The following PPM1H variants were observed in gnomAD, a reference collection of about 807,000 sequenced individuals.
PPM1H encodes protein phosphatase 1H.
In PPM1H, 27 loss-of-function variants were observed where a neutral mutation model predicts 54.9. The observed-to-expected ratio is 0.49, with a 90% CI of 0.36 to 0.68. The LOEUF (loss-of-function observed/expected upper bound fraction) is 0.68, where lower values mean the gene tolerates loss of function less well. Ranked by LOEUF, PPM1H falls within the 30% of genes least tolerant of loss-of-function variation. The pLI is 0.00. For synonymous variants in PPM1H, 305 were observed against 270.8 expected (o/e 1.13, Z -1.24); for missense variants, 596 against 667.8 (o/e 0.89, Z 1.19).
chr12:62,662,432 G>C lies in PPM1H; in HGVS notation c.1397+4746C>G, dbSNP rs149512551. Among the ~76,000 whole-genome samples, 3 of 152,174 alleles carry C rather than the reference G, an allele frequency of 2.0e-5. No individual in the cohort carries two copies. In the East Asian group the frequency reaches 5.8e-4, roughly 29 times the overall value. On this transcript the variant is annotated intron_variant, in intron 9 of 9. Transcript: ENST00000228705. The stretch of plus-strand genomic sequence containing the variant: ...TGAGCTGAATTATATCAGACAATTC[G>C]AGGAGGAGACAGATGGTCTACCTTC...
rs139803362 is a variant in PPM1H at position 62,714,297 on chromosome 12, T to C, written c.1073+5874A>G. ...CTACTGTGCTCGAGAGCACAGAGAA[T>C]GGAAATTTCTCTTTGCCTCAATAAA... On this transcript the variant is annotated intron_variant, in intron 6 of 9. Transcript: ENST00000228705. 5.5e-3 allele frequency among the ~76,000 whole-genome samples: 844 copies of C among 152,242 alleles called. 6 individuals are homozygous for C. Among genetic ancestry groups the C allele is most frequent in the Middle Eastern group, 0.01 (3 of 294 alleles).
At chr12:62,673,980 G>A (rs1034720616) in intron 8 of PPM1H, among the ~76,000 whole-genome samples, 29 of 152,022 alleles carry the variant, frequency 1.9e-4, no homozygotes, top group Non-Finnish European at 4.3e-4. Flanking sequence ...GCCGTCCAAA[G>A]TGCTGGAATT....
At chr12:62,705,944 C>T (rs867344461) in intron 6 of PPM1H, among the ~76,000 whole-genome samples, 9 of 152,216 alleles carry the variant, frequency 5.9e-5, no homozygotes, top group Middle Eastern at 3.2e-3. Context: ...TTCTGCTGCA[C>T]AGGCAGTTCC....
intron 2 of PPM1H, among the ~76,000 whole-genome samples, chr12:62,826,472 T>C (rs888607089): frequency 6.6e-6 from 1 of 152,152 alleles, no homozygotes; most frequent in African/African-American, 2.4e-5. Flanking sequence ...ATCTCGTTGC[T>C]ACCCGGCTAC....
At chr12:62,894,402 G>T (rs190155499) in intron 1 of PPM1H, among the ~76,000 whole-genome samples, 1 of 152,144 alleles carries the variant, frequency 6.6e-6, no homozygotes, top group Non-Finnish European at 1.5e-5. Flanking sequence ...TGCTCCTCGT[G>T]TTAACAAGGA....
chr12:62,769,065 C>T (rs575544926), intron 4 of PPM1H, among the ~76,000 whole-genome samples: 1 of 152,248 alleles, frequency 6.6e-6, no homozygotes, highest in East Asian at 1.9e-4. Flanking sequence ...AGTACATTCC[C>T]AATGTGCTAA....
intron 5 of PPM1H, among the ~76,000 whole-genome samples, chr12:62,734,469 G>A (rs2076340012): frequency 6.6e-6 from 1 of 152,136 alleles, no homozygotes; most frequent in African/African-American, 2.4e-5. Flanking sequence ...TGAAGAAATT[G>A]GGAGTCACTG....
At chr12:62,703,557 C>T (rs1473274368) in intron 6 of PPM1H, among the ~76,000 whole-genome samples, 1 of 151,992 alleles carries the variant, frequency 6.6e-6, no homozygotes, top group East Asian at 1.9e-4. Flanking sequence ...TTCGGTCCCC[C>T]TTCTTGCCTT....
intron 2 of PPM1H, among the ~76,000 whole-genome samples, chr12:62,823,878 T>G (rs1481789936): frequency 6.6e-6 from 1 of 152,120 alleles, no homozygotes; most frequent in East Asian, 1.9e-4. Context: ...TATTTCAACA[T>G]AGTGTTGGTA....
intron 6 of PPM1H, among the ~76,000 whole-genome samples, chr12:62,714,418 G>A (rs2076224902): frequency 6.6e-6 from 1 of 152,114 alleles, no homozygotes; most frequent in Non-Finnish European, 1.5e-5. Flanking sequence ...AACAGAGGAG[G>A]GAAAATTATC....
intron 3 of PPM1H, among the ~76,000 whole-genome samples, chr12:62,798,275 G>A (rs927678299): frequency 6.6e-6 from 1 of 152,208 alleles, no homozygotes; most frequent in African/African-American, 2.4e-5. Context: ...GGAGCAGGTA[G>A]GGGATAGTCT....
intron 1 of PPM1H, among the ~76,000 whole-genome samples, chr12:62,848,217 A>T (rs1869046387): frequency 6.6e-6 from 1 of 152,240 alleles, no homozygotes; most frequent in African/African-American, 2.4e-5. Context: ...AATACATAAA[A>T]TTCTTACATC....
At chr12:62,698,347 ACCCGCTGG>A (rs1389252665) in intron 6 of PPM1H, among the ~76,000 whole-genome samples, 1 of 152,130 alleles carries the variant, frequency 6.6e-6, no homozygotes, top group Non-Finnish European at 1.5e-5. Context: ...ACTGACCCAA[ACCCGCTGG>A]CCCATCTGGA....
chr12:62,846,462 T>C (rs1868971529), intron 1 of PPM1H, among the ~76,000 whole-genome samples: 1 of 151,104 alleles, frequency 6.6e-6, no homozygotes, highest in Non-Finnish European at 1.5e-5. Flanking sequence ...ATTGCGCCAC[T>C]GCACTCCAGC....
chr12:62,680,316 T>TA (rs1491387343), intron 8 of PPM1H, among the ~76,000 whole-genome samples: 2 of 150,454 alleles, frequency 1.3e-5, no homozygotes, highest in Non-Finnish European at 3.0e-5. Context: ...TCTCTTGCTT[T>TA]CTCTCTCTCT....
chr12:62,659,291 A>AAAAAAAAAAAAAAAAAAG (rs2075868285), intron 9 of PPM1H: 1 of 485,128 alleles, frequency 2.1e-6, no homozygotes, highest in South Asian at 2.3e-5. Context: ...AAAAAAAAAA[A>AAAAAAAAAAAAAAAAAAG]GAGAAAAACT....
At chr12:62,658,815 G>T in intron 9 of PPM1H, 1 of 509,400 alleles carries the variant, frequency 2.0e-6, no homozygotes, top group Non-Finnish European at 3.6e-6. Context: ...CTCCTCCTTG[G>T]CATCAGGGCC....
In PPM1H at chr12:62,918,443, A is replaced by G. The variant is rs1592670566; in HGVS notation, c.245+16049T>C. Among the ~76,000 whole-genome samples, 3 of 152,246 alleles carry G rather than the reference A, an allele frequency of 2.0e-5. No individual in the cohort carries two copies. In the South Asian group the frequency reaches 6.2e-4, roughly 32 times the overall value. ...ACCTAAATATTAAGGTGAAGCAATA[A>G]TGCTTTTTAATCAGTATGTCCAGCT... On this transcript the variant is annotated intron_variant, in intron 1 of 9. Coordinates refer to ENST00000228705, the MANE Select transcript of PPM1H (RefSeq NM_020700.2).
intron 9 of PPM1H, among the ~76,000 whole-genome samples, chr12:62,654,935 G>A (rs2075836098): frequency 1.3e-5 from 2 of 152,148 alleles, no homozygotes; most frequent in South Asian, 2.1e-4. Flanking sequence ...CCAGGAGGTC[G>A]GATTCCTTCA....
Sources: gnomAD v4.1 joint callset for allele counts (sites outside exome capture counted in the v4.1 genomes callset) on GRCh38, gnomAD v4.1.1 for gene constraint, MANE v1.5 for transcripts, NCBI Gene and HGNC (gene_info 2026-07-23, HGNC 2026-07-21) for gene names.